ANKS1B: variants seen among roughly 807,000 people sequenced by gnomAD.
ANKS1B encodes the protein ankyrin repeat and sterile alpha motif domain-containing protein 1B.
ANKS1B carries 36 observed loss-of-function variants against 148.3 expected under a neutral mutation model. That is an observed-to-expected ratio of 0.24 (90% CI 0.19 to 0.32). The LOEUF is 0.32. Among genes scored for constraint, ANKS1B ranks in the 10% least tolerant of loss-of-function variants. The probability of loss-of-function intolerance (pLI) is 1.00; values close to 1 mark genes in which losing one functional copy is unlikely to be tolerated. For missense variants in ANKS1B, 1,157 were observed against 1,542.6 expected, an observed-to-expected ratio of 0.75 and a Z score of 4.19; for synonymous variants, 542 against 560.8, an observed-to-expected ratio of 0.97 and a Z score of 0.47.
At chr12:99,715,570 CTT>C (rs1282387148) in intron 8 of ANKS1B, among the ~76,000 whole-genome samples, 1 of 152,194 alleles carries the variant, frequency 6.6e-6, no homozygotes, top group Non-Finnish European at 1.5e-5. Flanking sequence ...TTGGTGGTCT[CTT>C]CACACGGATG....
At chr12:99,197,278 T>G (rs2081502793) in intron 14 of ANKS1B, among the ~76,000 whole-genome samples, 1 of 152,114 alleles carries the variant, frequency 6.6e-6, no homozygotes, top group Non-Finnish European at 1.5e-5. Flanking sequence ...TTATAAAAAG[T>G]AATATTCAAT....
chr12:99,828,040 A>G (rs879370883), intron 1 of ANKS1B, among the ~76,000 whole-genome samples: 1 of 152,212 alleles, frequency 6.6e-6, no homozygotes, highest in Non-Finnish European at 1.5e-5. Flanking sequence ...GAGACAACCC[A>G]AATGTCCATT....
At chr12:99,930,297 T>A (rs1020857532) in intron 1 of ANKS1B, among the ~76,000 whole-genome samples, 2 of 151,994 alleles carry the variant, frequency 1.3e-5, no homozygotes, top group Admixed American at 1.3e-4. Context: ...TGGCTCTCTG[T>A]TTGTCTGTTA....
chr12:99,844,655 G>A (rs2086332060), intron 1 of ANKS1B, among the ~76,000 whole-genome samples: 1 of 152,162 alleles, frequency 6.6e-6, no homozygotes, highest in South Asian at 2.1e-4. Flanking sequence ...AGTACAGTTT[G>A]ATGTCAGGTA....
chr12:99,255,313 T>G (rs1361860845), intron 12 of ANKS1B, among the ~76,000 whole-genome samples: 1 of 152,128 alleles, frequency 6.6e-6, no homozygotes, highest in African/African-American at 2.4e-5. Flanking sequence ...TTGAATGGTT[T>G]TTTGTATCTG....
intron 17 of ANKS1B, among the ~76,000 whole-genome samples, chr12:98,958,196 T>C (rs1568015909): frequency 2.6e-5 from 4 of 152,232 alleles, no homozygotes. Flanking sequence ...ACTTTCTGGA[T>C]ATGCACACAT....
At chr12:99,529,739 G>A (rs200257762) in intron 9 of ANKS1B, among the ~76,000 whole-genome samples, 8 of 152,024 alleles carry the variant, frequency 5.3e-5, no homozygotes, top group Admixed American at 6.6e-5. Context: ...ATTTTTCTAC[G>A]TCCATAATCA....
intron 9 of ANKS1B, among the ~76,000 whole-genome samples, chr12:99,548,323 C>G (rs991526247): frequency 1.3e-5 from 2 of 152,048 alleles, no homozygotes; most frequent in Admixed American, 6.6e-5. Context: ...GGGTGGCTCT[C>G]TACCAAATGG....
At chr12:99,532,114 A>C (rs1435076360) in intron 9 of ANKS1B, among the ~76,000 whole-genome samples, 1 of 151,648 alleles carries the variant, frequency 6.6e-6, no homozygotes, top group Non-Finnish European at 1.5e-5. Flanking sequence ...TCAGATATAC[A>C]GTTTGTGGAT....
chr12:99,232,594 C>T (rs773367014), intron 14 of ANKS1B, among the ~76,000 whole-genome samples: 10 of 152,180 alleles, frequency 6.6e-5, no homozygotes, highest in Admixed American at 2.0e-4. Flanking sequence ...AGATATTCAA[C>T]CTGATTCTTA....
At chr12:98,975,807 G>A (rs537862255) in intron 17 of ANKS1B, among the ~76,000 whole-genome samples, 8 of 152,242 alleles carry the variant, frequency 5.3e-5, no homozygotes, top group African/African-American at 1.9e-4. Flanking sequence ...AGAGAGTTGG[G>A]TGTGATTTGC....
chr12:99,341,552 A>T (rs7980404), intron 12 of ANKS1B, among the ~76,000 whole-genome samples: 72,126 of 151,952 alleles, frequency 0.47, 19,548 homozygotes, highest in African/African-American at 0.75. Flanking sequence ...TCCCTTCTGC[A>T]TCTAAATTTG....
chr12:99,336,311 A>T (rs77629684), intron 12 of ANKS1B, among the ~76,000 whole-genome samples: 2,162 of 152,094 alleles, frequency 0.014, 40 homozygotes, highest in African/African-American at 0.05. Context: ...ATTTTCTCCT[A>T]TTCTGTGGGT....
At chr12:99,755,513 G>A (rs1396101148) in intron 8 of ANKS1B, among the ~76,000 whole-genome samples, 1 of 145,922 alleles carries the variant, frequency 6.9e-6, no homozygotes, top group Non-Finnish European at 1.5e-5. Context: ...ACATCATCCT[G>A]ATACCAAAAC....
intron 12 of ANKS1B, among the ~76,000 whole-genome samples, chr12:99,352,866 G>C (rs575559118): frequency 3.3e-5 from 5 of 152,042 alleles, no homozygotes; most frequent in African/African-American, 7.2e-5. Flanking sequence ...CTAAGTAGTC[G>C]AGTTATAGAG....
chr12:99,546,334 T>C (rs2097172622), intron 9 of ANKS1B, among the ~76,000 whole-genome samples: 1 of 152,202 alleles, frequency 6.6e-6, no homozygotes, highest in South Asian at 2.1e-4. Context: ...TTCAAGAGTT[T>C]ATAAACTGGC....
intron 14 of ANKS1B, among the ~76,000 whole-genome samples, chr12:99,211,791 C>A (rs2153912945): frequency 6.6e-6 from 1 of 152,280 alleles, no homozygotes; most frequent in East Asian, 1.9e-4. Flanking sequence ...AGAATTATAG[C>A]CTGTGGCCAG....
rs12302429 is a variant in ANKS1B at position 99,061,430 on chromosome 12, G to A, written c.2626-8121C>T. The stretch of plus-strand genomic sequence containing the variant: ...CTTATTAGCAGACGATTCTAATTCC[G>A]TTATTTGGAGGGAGGATTGGAGATT... On this transcript the variant is annotated intron_variant, in intron 16 of 26. Coordinates refer to ENST00000683438, the MANE Select transcript of ANKS1B (RefSeq NM_001352186.2). 2.7e-3 allele frequency among the ~76,000 whole-genome samples: 418 copies of A among 152,282 alleles called. 2 individuals are homozygous for A. Among genetic ancestry groups the A allele is most frequent in the African/African-American group, 8.1e-3 (336 of 41,554 alleles).
At chr12:99,327,018 ATT>A (rs2086444633) in intron 12 of ANKS1B, among the ~76,000 whole-genome samples, 2 of 134,678 alleles carry the variant, frequency 1.5e-5, no homozygotes, top group African/African-American at 5.9e-5. Context: ...TATATATTAT[ATT>A]ATAATAAATA....
Sources: gnomAD v4.1 joint callset for allele counts (sites outside exome capture counted in the v4.1 genomes callset) on GRCh38, gnomAD v4.1.1 for gene constraint, MANE v1.5 for transcripts, NCBI Gene and HGNC (gene_info 2026-07-23, HGNC 2026-07-21) for gene names.